TMCC1: variants seen among roughly 807,000 people sequenced by gnomAD.
TMCC1 encodes transmembrane and coiled-coil domain family 1.
In TMCC1, 15 loss-of-function variants were observed where a neutral mutation model predicts 52.4. The observed-to-expected ratio is 0.29, with a 90% CI of 0.19 to 0.44. TMCC1 has a LOEUF of 0.44. Ranked by LOEUF, TMCC1 falls within the 20% of genes least tolerant of loss-of-function variation. The pLI, the probability that TMCC1 is intolerant of heterozygous loss-of-function variation, is 1.00. For missense variants in TMCC1, 503 were observed against 806.0 expected (o/e 0.62, Z 4.55); for synonymous variants, 279 against 301.9 (o/e 0.92, Z 0.79).
chr3:129,728,953 T>C (rs1273097663), intron 4 of TMCC1, among the ~76,000 whole-genome samples: 2 of 152,234 alleles, frequency 1.3e-5, no homozygotes, highest in Non-Finnish European at 2.9e-5. Context: ...TACCACAGTT[T>C]ATCCATTCAC....
chr3:129,853,096 C>T (rs2059988219), intron 2 of TMCC1, among the ~76,000 whole-genome samples: 1 of 152,060 alleles, frequency 6.6e-6, no homozygotes, highest in African/African-American at 2.4e-5. Flanking sequence ...TTTTCAGTAC[C>T]TATTCTTTGG....
chr3:129,888,793 ACT>A (rs1305553684), intron 1 of TMCC1, among the ~76,000 whole-genome samples: 2 of 152,144 alleles, frequency 1.3e-5, no homozygotes, highest in Non-Finnish European at 2.9e-5. Flanking sequence ...CAGAAAACAA[ACT>A]CTGCCTCAAG....
intron 5 of TMCC1, among the ~76,000 whole-genome samples, chr3:129,669,464 C>T (rs930823415): frequency 1.3e-5 from 2 of 149,696 alleles, no homozygotes; most frequent in South Asian, 2.1e-4. Flanking sequence ...GACGGAGTTT[C>T]GCTCTTGTTG....
At chr3:129,843,911 C>CAAAAA (rs11391229) in intron 2 of TMCC1, among the ~76,000 whole-genome samples, 1 of 135,614 alleles carries the variant, frequency 7.4e-6, no homozygotes, top group Non-Finnish European at 1.6e-5. Flanking sequence ...CAGACACTAC[C>CAAAAA]AAAAAAAAAA....
At chr3:129,752,835 A>G (rs570637435) in intron 4 of TMCC1, among the ~76,000 whole-genome samples, 2 of 152,256 alleles carry the variant, frequency 1.3e-5, no homozygotes, top group African/African-American at 2.4e-5. Flanking sequence ...GTTTAAATTG[A>G]CTCACAGTTC....
At chr3:129,752,503 T>A (rs1268404885) in intron 4 of TMCC1, among the ~76,000 whole-genome samples, 1 of 152,060 alleles carries the variant, frequency 6.6e-6, no homozygotes, top group Non-Finnish European at 1.5e-5. Context: ...AAAAGGTATA[T>A]TAAATAATCT....
chr3:129,664,457 A>C (rs1011549123), intron 5 of TMCC1, among the ~76,000 whole-genome samples: 1 of 152,224 alleles, frequency 6.6e-6, no homozygotes, highest in Non-Finnish European at 1.5e-5. Flanking sequence ...ACAACTGCTC[A>C]GGGTGACTGT....
chr3:129,688,596 T>A (rs2089582918), intron 4 of TMCC1: 1 of 985,438 alleles, frequency 1.0e-6, no homozygotes, highest in East Asian at 1.1e-4. Context: ...TTCAATTCTA[T>A]CTCCTGTAGC....
At position 129,721,869 on chromosome 3, in the gene TMCC1, C is replaced by T. The variant is rs1383553444; in HGVS notation, c.577-50605G>A. 4.2e-5 allele frequency among the ~76,000 whole-genome samples: 4 copies of T among 94,164 alleles called. No individual in the cohort carries two copies. In the East Asian group the frequency reaches 1.3e-3, roughly 31 times the overall value. 61.8% of individuals were successfully genotyped at this position (94,164 alleles called of 152,430 possible). The stretch of plus-strand genomic sequence containing the variant: ...CCAGCCTGGGCGACAGAGCGAGACT[C>T]CGTCTCAAAAACAAACAAACAAAAA... On this transcript the variant is annotated intron_variant, in intron 4 of 6. Coordinates refer to ENST00000393238, the MANE Select transcript of TMCC1 (RefSeq NM_001017395.5).
chr3:129,764,789 A>T (rs13094019), intron 4 of TMCC1, among the ~76,000 whole-genome samples: 6 of 34,992 alleles, frequency 1.7e-4, no homozygotes, highest in African/African-American at 3.9e-4. Context: ...ATATATATAT[A>T]TTTTTTTTTT....
At chr3:129,805,944 C>CA (rs924381989) in intron 4 of TMCC1, among the ~76,000 whole-genome samples, 26 of 151,620 alleles carry the variant, frequency 1.7e-4, no homozygotes, top group Admixed American at 4.6e-4. Context: ...CAAAAAAAAA[C>CA]AAAAAAACAA....
intron 4 of TMCC1, among the ~76,000 whole-genome samples, chr3:129,710,716 G>C (rs6439194): frequency 0.98 from 149,951 of 152,330 alleles, 73,856 homozygotes; most frequent in East Asian, 1. Flanking sequence ...TACAGAGGCA[G>C]CAATTATATA....
intron 4 of TMCC1, among the ~76,000 whole-genome samples, chr3:129,729,492 C>T (rs2050374990): frequency 6.6e-6 from 1 of 152,058 alleles, no homozygotes; most frequent in Non-Finnish European, 1.5e-5. Context: ...TTTTTATATA[C>T]AGCTGTTCCT....
chr3:129,785,141 A>G (rs2055896221), intron 4 of TMCC1, among the ~76,000 whole-genome samples: 2 of 152,122 alleles, frequency 1.3e-5, no homozygotes, highest in South Asian at 2.1e-4. Flanking sequence ...ATAACACCCA[A>G]CCATTGGGGC....
At chr3:129,777,292 A>G (rs2055118468) in intron 4 of TMCC1, among the ~76,000 whole-genome samples, 1 of 152,228 alleles carries the variant, frequency 6.6e-6, no homozygotes, top group East Asian at 1.9e-4. Context: ...TTGACTGATC[A>G]AAAACACAGT....
chr3:129,662,270 C>T (rs536528915), intron 5 of TMCC1, among the ~76,000 whole-genome samples: 10 of 152,156 alleles, frequency 6.6e-5, no homozygotes, highest in South Asian at 4.1e-4. Flanking sequence ...TGAGTTGTTA[C>T]GTTATTTTAT....
intron 4 of TMCC1, among the ~76,000 whole-genome samples, chr3:129,714,371 C>A (rs1013689975): frequency 1.3e-5 from 2 of 152,020 alleles, no homozygotes; most frequent in Non-Finnish European, 2.9e-5. Flanking sequence ...AATGACTGTG[C>A]CAGCTCCAGG....
intron 4 of TMCC1, among the ~76,000 whole-genome samples, chr3:129,702,207 C>T (rs1456131326): frequency 6.6e-6 from 1 of 150,622 alleles, no homozygotes; most frequent in African/African-American, 2.4e-5. Flanking sequence ...ATCATTCTAC[C>T]AGTGCCGTTT....
intron 4 of TMCC1, among the ~76,000 whole-genome samples, chr3:129,740,677 G>T (rs1363793734): frequency 6.6e-6 from 1 of 152,044 alleles, no homozygotes; most frequent in Non-Finnish European, 1.5e-5. Context: ...ATAAATATGA[G>T]AACCAATTCT....
Sources: gnomAD v4.1 joint callset for allele counts (sites outside exome capture counted in the v4.1 genomes callset) on GRCh38, gnomAD v4.1.1 for gene constraint, MANE v1.5 for transcripts, NCBI Gene and HGNC (gene_info 2026-07-23, HGNC 2026-07-21) for gene names.